IMMP2L: variants seen among roughly 807,000 people sequenced by gnomAD.
IMMP2L encodes mitochondrial inner membrane protease subunit 2.
Under a neutral mutation model 19.3 loss-of-function variants are expected in IMMP2L, and 18 were observed. The ratio of observed to expected loss-of-function variants is 0.93; its 90% CI spans 0.64 to 1.38. The LOEUF is 1.38. Ranked by LOEUF, IMMP2L falls within the 40% of genes most tolerant of loss-of-function variation. IMMP2L has a pLI of 0.00. For synonymous variants in IMMP2L, 76 were observed against 73.0 expected, an observed-to-expected ratio of 1.04 and a Z score of -0.21; for missense variants, 233 against 218.2, an observed-to-expected ratio of 1.07 and a Z score of -0.43.
At chr7:111,158,118 AAAT>A (rs1392345928) in intron 3 of IMMP2L, among the ~76,000 whole-genome samples, 1 of 151,938 alleles carries the variant, frequency 6.6e-6, no homozygotes, top group Non-Finnish European at 1.5e-5. Flanking sequence ...CTATATACAA[AAAT>A]AATACTTTAT....
chr7:110,787,097 G>A (rs1352017889), intron 5 of IMMP2L, among the ~76,000 whole-genome samples: 1 of 151,940 alleles, frequency 6.6e-6, no homozygotes, highest in Non-Finnish European at 1.5e-5. Flanking sequence ...ACTTATAAGG[G>A]AGAAAACTGA....
At chr7:110,829,570 G>C (rs1385429643) in intron 5 of IMMP2L, among the ~76,000 whole-genome samples, 2 of 152,098 alleles carry the variant, frequency 1.3e-5, no homozygotes, top group East Asian at 3.8e-4. Flanking sequence ...ATTGGTTTCA[G>C]ATAAATGCCT....
chr7:111,099,308 T>C (rs1282050560), intron 3 of IMMP2L, among the ~76,000 whole-genome samples: 1 of 151,714 alleles, frequency 6.6e-6, no homozygotes, highest in African/African-American at 2.4e-5. Flanking sequence ...CTCTTTTAAA[T>C]GATGAAGATG....
chr7:110,869,897 C>T (rs369373485), intron 5 of IMMP2L, among the ~76,000 whole-genome samples: 24 of 152,158 alleles, frequency 1.6e-4, no homozygotes, highest in Middle Eastern at 3.4e-3. Context: ...CAGGCCATCC[C>T]GTACTAAATT....
intron 3 of IMMP2L, among the ~76,000 whole-genome samples, chr7:111,010,640 T>C (rs1317269979): frequency 6.6e-6 from 1 of 152,112 alleles, no homozygotes; most frequent in East Asian, 1.9e-4. Flanking sequence ...GCCAAACAAC[T>C]ATTTTGCACA....
intron 3 of IMMP2L, among the ~76,000 whole-genome samples, chr7:111,148,677 C>A (rs927449180): frequency 1.3e-5 from 2 of 151,898 alleles, no homozygotes; most frequent in Admixed American, 1.3e-4. Context: ...TTATTTGCTT[C>A]TACCTTTATT....
At chr7:111,010,153 G>T (rs1406194846) in intron 3 of IMMP2L, among the ~76,000 whole-genome samples, 1 of 152,098 alleles carries the variant, frequency 6.6e-6, no homozygotes, top group Non-Finnish European at 1.5e-5. Flanking sequence ...CCTAGAGCAG[G>T]TAACATTTTG....
At chr7:110,867,224 T>C (rs1808067132) in intron 5 of IMMP2L, among the ~76,000 whole-genome samples, 1 of 151,952 alleles carries the variant, frequency 6.6e-6, no homozygotes, top group Non-Finnish European at 1.5e-5. Context: ...TCTTACTGAC[T>C]TGCTGATGGC....
At chr7:110,849,517 C>A (rs536203398) in intron 5 of IMMP2L, among the ~76,000 whole-genome samples, 5 of 152,132 alleles carry the variant, frequency 3.3e-5, no homozygotes, top group African/African-American at 1.2e-4. Context: ...GAGAAAAATT[C>A]ACAGACGAAA....
intron 3 of IMMP2L, among the ~76,000 whole-genome samples, chr7:111,485,584 C>T (rs6953876): frequency 0.11 from 10,560 of 99,282 alleles, 596 homozygotes; most frequent in Middle Eastern, 0.23. Context: ...CGCAACAGAG[C>T]GAGACTCTGT....
At chr7:110,841,512 T>A (rs1805086770) in intron 5 of IMMP2L, among the ~76,000 whole-genome samples, 1 of 152,114 alleles carries the variant, frequency 6.6e-6, no homozygotes, top group Admixed American at 6.6e-5. Flanking sequence ...AATCATTTAG[T>A]TTAATTAGAG....
At chr7:111,452,336 A>T (rs1250326133) in intron 3 of IMMP2L, among the ~76,000 whole-genome samples, 2 of 152,182 alleles carry the variant, frequency 1.3e-5, no homozygotes, top group Admixed American at 6.5e-5. Context: ...CATTGATTAC[A>T]CTGGTCTTTT....
intron 3 of IMMP2L, among the ~76,000 whole-genome samples, chr7:111,233,911 A>G (rs543760019): frequency 6.6e-6 from 1 of 152,112 alleles, no homozygotes; most frequent in Non-Finnish European, 1.5e-5. Context: ...ATTGTTTTGT[A>G]GCACCATCTC....
intron 2 of IMMP2L, among the ~76,000 whole-genome samples, chr7:111,513,317 C>A (rs1045031667): frequency 6.6e-6 from 1 of 151,994 alleles, no homozygotes; most frequent in Non-Finnish European, 1.5e-5. Context: ...ATAGAGAATT[C>A]TCAAGACATA....
chr7:111,493,979 C>T (rs538678452), intron 2 of IMMP2L, among the ~76,000 whole-genome samples: 2 of 151,496 alleles, frequency 1.3e-5, no homozygotes, highest in Non-Finnish European at 2.9e-5. Context: ...CAGCCTGGGG[C>T]GACAGAGCAA....
chr7:110,985,104 A>G (rs925576347), intron 3 of IMMP2L, among the ~76,000 whole-genome samples: 5 of 152,210 alleles, frequency 3.3e-5, no homozygotes, highest in Non-Finnish European at 4.4e-5. Context: ...TACAAAAAGC[A>G]GGCAAGGAGT....
chr7:110,887,296 T>C (rs1215214358), intron 4 of IMMP2L, among the ~76,000 whole-genome samples: 1 of 152,080 alleles, frequency 6.6e-6, no homozygotes, highest in Non-Finnish European at 1.5e-5. Context: ...TTTTTAACAA[T>C]TGTGAAGACT....
chr7:110,957,526 C>T (rs766934323), intron 4 of IMMP2L, among the ~76,000 whole-genome samples: 6 of 151,874 alleles, frequency 4.0e-5, no homozygotes, highest in Admixed American at 1.3e-4. Flanking sequence ...AAATGCCAAT[C>T]AGATCATACT....
At chr7:111,089,402 TAAAA>T (rs1796622140) in intron 3 of IMMP2L, among the ~76,000 whole-genome samples, 1 of 152,076 alleles carries the variant, frequency 6.6e-6, no homozygotes. Context: ...ATGGCATAAA[TAAAA>T]ATTCTCTTTT....
Sources: gnomAD v4.1 joint callset for allele counts (sites outside exome capture counted in the v4.1 genomes callset) on GRCh38, gnomAD v4.1.1 for gene constraint, MANE v1.5 for transcripts, NCBI Gene and HGNC (gene_info 2026-07-23, HGNC 2026-07-21) for gene names.